The following PYHIN1 variants were observed in gnomAD, a reference collection of about 807,000 sequenced individuals.
PYHIN1 encodes the protein pyrin and HIN domain-containing protein 1.
A neutral mutation model predicts 43.7 loss-of-function variants in PYHIN1; 32 were observed. The observed-to-expected ratio is 0.73, with a 90% CI of 0.55 to 0.98. The LOEUF (loss-of-function observed/expected upper bound fraction) is 0.98, where lower values mean the gene tolerates loss of function less well. Among genes scored for constraint, PYHIN1 ranks in the 50% least tolerant of loss-of-function variants. PYHIN1 has a pLI of 0.00. For missense variants in PYHIN1, 588 were observed against 589.5 expected (o/e 1.00, Z 0.03); for synonymous variants, 205 against 203.1 (o/e 1.01, Z -0.08).
At chr1:158,981,642 C>T (rs766734931), downstream of PYHIN1, among the ~76,000 whole-genome samples, 18 of 152,204 alleles carry the variant, frequency 1.2e-4, no homozygotes, top group Middle Eastern at 3.4e-3. Context: ...TTTCAACAGT[C>T]GCTGAAGTAT....
At chr1:158,939,059 A>T (rs1348057352) in intron 3 of PYHIN1, 21 bp from the exon 4 acceptor site, 1 of 1,544,716 alleles carries the variant, frequency 6.5e-7, no homozygotes, top group Admixed American at 2.1e-5. Context: ...GTAATTAACA[A>T]GAAAAATAAA....
chr1:158,947,703 C>G (rs115204642), intron 7 of PYHIN1, among the ~76,000 whole-genome samples: 1,588 of 152,130 alleles, frequency 0.01, 37 homozygotes, highest in African/African-American at 0.037. Flanking sequence ...ACAGCCTCCA[C>G]TAGCCAGCCC....
intron 7 of PYHIN1, among the ~76,000 whole-genome samples, chr1:158,958,049 C>A (rs1201050362): frequency 2.0e-5 from 3 of 152,214 alleles, no homozygotes; most frequent in Admixed American, 6.5e-5. Flanking sequence ...ATCTAAACCA[C>A]AATGAGATAC....
In PYHIN1 at chr1:158,944,508, TAAA is replaced by T. The variant is rs564711024; in HGVS notation, c.1192-365_1192-363del. ...CAGAGAAAATGTTGCATACAAACAT[TAAA>T]AGTGAGAAAAAGCATAGTGAGTTCT... On this transcript the variant is annotated intron_variant, in intron 6 of 8. Coordinates refer to ENST00000368140, the MANE Select transcript of PYHIN1 (RefSeq NM_152501.5). Among the ~76,000 whole-genome samples, 44 of 152,228 alleles carry T rather than the reference TAAA, an allele frequency of 2.9e-4. No individual in the cohort carries two copies. The East Asian group carries it at 7.9e-3, about 27-fold the overall frequency.
At position 158,976,702 on chromosome 1, in the gene PYHIN1, T is replaced by C. The variant is rs866365420; in HGVS notation, c.*7T>C. ...ATTTTTATCTCTTTATGCTTCAAGG[T>C]CACCAAGGACAAGGATATCAAATAA... On this transcript the variant is annotated splice_region_variant and 3_prime_UTR_variant, in exon 9 of 9. Transcript: ENST00000368140. 1 of 1,590,674 alleles carries C rather than the reference T, an allele frequency of 6.3e-7. No homozygotes were observed. Among genetic ancestry groups the C allele is most frequent in the Middle Eastern group, 1.7e-4 (1 of 6,014 alleles).
At chr1:158,940,478 G>A (rs1301220495) in intron 4 of PYHIN1, among the ~76,000 whole-genome samples, 1 of 152,084 alleles carries the variant, frequency 6.6e-6, no homozygotes, top group African/African-American at 2.4e-5. Flanking sequence ...ATTAATAATT[G>A]CATGATTCTG....
chr1:158,959,047 G>T (rs554433325), intron 7 of PYHIN1, among the ~76,000 whole-genome samples: 2 of 151,696 alleles, frequency 1.3e-5, no homozygotes, highest in Non-Finnish European at 2.9e-5. Flanking sequence ...TCCCAAGCGG[G>T]CACTAATGAC....
At chr1:158,959,793 G>A (rs571434003) in intron 7 of PYHIN1, among the ~76,000 whole-genome samples, 1 of 152,208 alleles carries the variant, frequency 6.6e-6, no homozygotes, top group African/African-American at 2.4e-5. Context: ...TATACCATAA[G>A]CTCAGATGGT....
rs185864149 is a variant in PYHIN1 at position 158,950,240 on chromosome 1, T to A, written c.1359+5198T>A. 2.6e-5 allele frequency among the ~76,000 whole-genome samples: 4 copies of A among 152,316 alleles called. No individual in the cohort carries two copies. In the East Asian group the frequency reaches 7.7e-4, roughly 29 times the overall value. On this transcript the variant is annotated intron_variant, in intron 7 of 8. Coordinates refer to ENST00000368140, the MANE Select transcript of PYHIN1 (RefSeq NM_152501.5). ...AAAAGGAACAATACCCTAAGTGATT[T>A]GCAATGTACAACAGAAAGCATAGCA...
chr1:158,990,546 T>C, the PYHIN1 span, among the ~76,000 whole-genome samples: 1 of 152,204 alleles, frequency 6.6e-6, no homozygotes, highest in Admixed American at 6.5e-5. Context: ...ACTCTCTTTA[T>C]ATTTTTCAGG....
chr1:158,964,624 A>G (rs534307348), intron 7 of PYHIN1, among the ~76,000 whole-genome samples: 3 of 152,342 alleles, frequency 2.0e-5, no homozygotes, highest in Non-Finnish European at 4.4e-5. Context: ...AGAATTTCAC[A>G]TACAGCCAAA....
intron 7 of PYHIN1, among the ~76,000 whole-genome samples, chr1:158,963,663 A>G (rs965756025): frequency 6.6e-6 from 1 of 152,208 alleles, no homozygotes; most frequent in African/African-American, 2.4e-5. Context: ...TTCAACACCA[A>G]AAATATTTTG....
chr1:158,967,212 G>A (rs1269433600), intron 7 of PYHIN1, among the ~76,000 whole-genome samples: 1 of 151,900 alleles, frequency 6.6e-6, no homozygotes, highest in African/African-American at 2.4e-5. Flanking sequence ...GGGATGAGAG[G>A]GTTTTCTTAG....
At chr1:158,941,151 C>T (rs947978028) in intron 4 of PYHIN1, among the ~76,000 whole-genome samples, 1 of 152,184 alleles carries the variant, frequency 6.6e-6, no homozygotes, top group African/African-American at 2.4e-5. Context: ...GATCAGACCA[C>T]TCCAGGAGCT....
intron 4 of PYHIN1, 189 bp downstream of exon 4, chr1:158,939,436 G>A: frequency 3.2e-6 from 5 of 1,553,018 alleles, no homozygotes; most frequent in South Asian, 2.4e-5. Flanking sequence ...ATCTCTGACT[G>A]CAGGAAGTTT....
chr1:158,956,719 C>T (rs1179113933), intron 7 of PYHIN1, among the ~76,000 whole-genome samples: 1 of 150,530 alleles, frequency 6.6e-6, no homozygotes, highest in Non-Finnish European at 1.5e-5. Flanking sequence ...TCTCTCACCA[C>T]TCCTATTCAA....
intron 4 of PYHIN1, chr1:158,939,616 C>A (rs970600591): frequency 5.0e-6 from 6 of 1,204,366 alleles, no homozygotes; most frequent in Non-Finnish European, 7.2e-6. Flanking sequence ...AGGATTTTCA[C>A]ACACCATATT....
At chr1:158,942,694 G>A (rs752349470) in intron 5 of PYHIN1, among the ~76,000 whole-genome samples, 1 of 152,172 alleles carries the variant, frequency 6.6e-6, no homozygotes, top group Non-Finnish European at 1.5e-5. Context: ...ATCAAAGATA[G>A]TGAGGGATCT....
chr1:158,988,188 A>G, the PYHIN1 span, among the ~76,000 whole-genome samples: 1 of 152,170 alleles, frequency 6.6e-6, no homozygotes, highest in African/African-American at 2.4e-5. Flanking sequence ...ATTTTCTTTT[A>G]GAGGCCCTAG....
Sources: gnomAD v4.1 joint callset for allele counts (sites outside exome capture counted in the v4.1 genomes callset) on GRCh38, gnomAD v4.1.1 for gene constraint, MANE v1.5 for transcripts, NCBI Gene and HGNC (gene_info 2026-07-23, HGNC 2026-07-21) for gene names.